The following BPTF variants were observed in gnomAD, a reference collection of about 807,000 sequenced individuals.
BPTF encodes the protein nucleosome-remodeling factor subunit BPTF.
Under a neutral mutation model 292.5 loss-of-function variants are expected in BPTF, and 18 were observed. The observed-to-expected ratio is 0.06, with a 90% CI of 0.04 to 0.09. The LOEUF (loss-of-function observed/expected upper bound fraction) is 0.09. Among genes scored for constraint, BPTF ranks in the 10% least tolerant of loss-of-function variants. The pLI, the probability that BPTF is intolerant of heterozygous loss-of-function variation, is 1.00. For synonymous variants in BPTF, 1,225 were observed against 1,251.9 expected (o/e 0.98, Z 0.45); for missense variants, 2,726 against 3,498.7 (o/e 0.78, Z 5.57).
In BPTF at chr17:67,945,587, T is replaced by C. The variant is rs1169318393; in HGVS notation, c.6879T>C (p.Val2293=). ...TQPQSPAQPE[V]QTQPEVQTQT... ...CCCAGTCCCCAGCTCAGCCTGAAGTTCAGACTCAGCCTGAAGTTCAGACCC... is the reference window on the plus strand; with the variant it reads ...CCCAGTCCCCAGCTCAGCCTGAAGTCCAGACTCAGCCTGAAGTTCAGACCC... Residue 2293 remains valine (V), a synonymous_variant, in exon 21 of 28, where the codon GTT becomes GTC. Coordinates refer to ENST00000306378, the MANE Select transcript of BPTF (RefSeq NM_182641.4). 2 of 1,611,816 alleles carry C rather than the reference T, an allele frequency of 1.2e-6. No homozygotes were observed. Among genetic ancestry groups the C allele is most frequent in the Non-Finnish European group, 1.7e-6 (2 of 1,179,018 alleles).
Position 67,843,104 on chromosome 17 carries a change from A to G in BPTF, c.614-10836A>G, listed in dbSNP as rs533182962. On this transcript the variant is annotated intron_variant, in intron 1 of 27. Transcript: ENST00000306378. ...TATATGTAGATACATATATCTATATATATGTAGATGTATGTAGATATATAC... is the reference window on the plus strand; with the variant it reads ...TATATGTAGATACATATATCTATATGTATGTAGATGTATGTAGATATATAC... Among the ~76,000 whole-genome samples, 3 of 150,950 alleles carry G rather than the reference A, an allele frequency of 2.0e-5. No individual in the cohort carries two copies. In the South Asian group the frequency reaches 6.3e-4, roughly 31 times the overall value.
chr17:67,969,351 C>T (rs1466582697), intron 26 of BPTF, among the ~76,000 whole-genome samples: 3 of 147,342 alleles, frequency 2.0e-5, no homozygotes, highest in African/African-American at 7.7e-5. Context: ...ACTAAGGAGG[C>T]TGAGGCACAA....
In BPTF at chr17:67,891,942, C is replaced by A. The variant is rs866805175; in HGVS notation, c.1963C>A (p.Arg655=). The change falls in exon 5 of 28, where the codon CGG becomes AGG. Residue 655 remains arginine, a synonymous_variant. Coordinates refer to ENST00000306378, the MANE Select transcript of BPTF (RefSeq NM_182641.4). ...CTCAACTCGAATCATCACCAGATTG[C>A]GGAATCCAGATAGCAAACTTAGTCA... ...SGSTRIITRL[R]NPDSKLSQLK... The A allele has an allele frequency of 1.9e-6, 3 of 1,612,288 alleles. No homozygotes were observed. In the African/African-American group the frequency reaches 4.0e-5, roughly 22 times the overall value.
intron 25 of BPTF, chr17:67,965,485 T>G (rs1555686779): frequency 1.3e-5 from 2 of 149,692 alleles, no homozygotes; most frequent in Non-Finnish European, 1.5e-5. Flanking sequence ...ATCACTTGAG[T>G]CAATGAGTTA....
chr17:67,840,094 A>G (rs2057427846), intron 1 of BPTF, among the ~76,000 whole-genome samples: 1 of 142,632 alleles, frequency 7.0e-6, no homozygotes, highest in African/African-American at 2.8e-5. Flanking sequence ...TTTTTTATGG[A>G]AAAATACTGA....
chr17:67,912,328 G>A lies in BPTF; in HGVS notation c.4444G>A (p.Glu1482Lys), dbSNP rs759643114. 7 of 1,613,794 alleles carry A rather than the reference G, an allele frequency of 4.3e-6. No individual in the cohort carries two copies. Among genetic ancestry groups the A allele is most frequent in the Admixed American group, 1.7e-5 (1 of 60,000 alleles). Residue 1482 changes from glutamate to lysine, a missense_variant, in exon 11 of 28, where the codon GAA becomes AAA. Physicochemically the swap from Glu to Lys is moderately conservative, Grantham distance 56. Transcript: ENST00000306378. ...MEDFNERNSS[E>K]TKSHLLSSSD... ...AGATTTTAATGAAAGAAACAGCTCC[G>A]AAACAAAATCGCATTTGCTGAGTTC...
intron 23 of BPTF, chr17:67,956,813 A>T (rs1408107936): frequency 5.9e-5 from 9 of 151,976 alleles, no homozygotes; most frequent in African/African-American, 1.9e-4. Flanking sequence ...AATACAAAAA[A>T]ATTAGCCGAG....
At chr17:67,981,023 G>T (rs1257758677) in intron 27 of BPTF, among the ~76,000 whole-genome samples, 1 of 152,162 alleles carries the variant, frequency 6.6e-6, no homozygotes, top group East Asian at 1.9e-4. Context: ...GCCGGGCATG[G>T]TGGCATGTGC....
At position 67,826,122 on chromosome 17, in the gene BPTF, A is replaced by T; in HGVS notation, c.398A>T (p.Glu133Val). ...GTGTACGATGACCACGAGAGCGAGG[A>T]GGAGGAGGAAGAGGAGGACATGGTC... ...KVVYDDHESE[E>V]EEEEEDMVSE... is the part of the protein sequence containing the mutation. The change falls in exon 1 of 28, where the codon GAG becomes GTG. Residue 133 changes from glutamate (E) to valine (V), a missense_variant. Around this residue, in one of 22 missense-constraint regions of BPTF, gnomAD observed 153 missense variants for 178.3 expected, o/e 0.86. Transcript: ENST00000306378. 1 of 1,416,940 alleles carries T rather than the reference A, an allele frequency of 7.1e-7. No individual in the cohort carries two copies. Among genetic ancestry groups the T allele is most frequent in the Non-Finnish European group, 9.9e-7 (1 of 1,008,940 alleles). The allele number at this position is 1,416,940 out of a possible 1,614,324, so 87.8% of individuals were successfully genotyped here.
At chr17:67,842,003 T>A (rs2057588653) in intron 1 of BPTF, among the ~76,000 whole-genome samples, 1 of 152,168 alleles carries the variant, frequency 6.6e-6, no homozygotes, top group African/African-American at 2.4e-5. Flanking sequence ...CTAAACTATC[T>A]ACTTAGAGTT....
intron 1 of BPTF, among the ~76,000 whole-genome samples, chr17:67,835,269 T>C (rs1449012074): frequency 1.3e-5 from 2 of 152,188 alleles, no homozygotes; most frequent in Admixed American, 6.5e-5. Context: ...CTAGCTGTTA[T>C]ATGTTCATTT....
intron 23 of BPTF, among the ~76,000 whole-genome samples, chr17:67,953,856 A>G (rs2148139041): frequency 6.6e-6 from 1 of 151,904 alleles, no homozygotes; most frequent in South Asian, 2.1e-4. Context: ...CTGGGATTAC[A>G]GCTGTGAGCC....
intron 7 of BPTF, among the ~76,000 whole-genome samples, chr17:67,899,830 A>T (rs1290514568): frequency 6.6e-6 from 1 of 151,996 alleles, no homozygotes; most frequent in South Asian, 2.1e-4. Flanking sequence ...CGCCCGGCCT[A>T]TGCTGAGTTT....
At chr17:67,927,327 A>G (rs1447897140) in intron 15 of BPTF, among the ~76,000 whole-genome samples, 3 of 152,202 alleles carry the variant, frequency 2.0e-5, no homozygotes, top group Admixed American at 2.0e-4. Context: ...TACTTATCAC[A>G]CCACTGTTGA....
chr17:67,879,385 C>G (rs968345951), intron 4 of BPTF, among the ~76,000 whole-genome samples: 28 of 152,120 alleles, frequency 1.8e-4, no homozygotes, highest in Admixed American at 6.5e-4. Flanking sequence ...CATGATCCAC[C>G]CGCCTCAGCC....
chr17:67,938,480 C>CTATT (rs2065102559), intron 18 of BPTF, among the ~76,000 whole-genome samples: 1 of 152,084 alleles, frequency 6.6e-6, no homozygotes, highest in Admixed American at 6.6e-5. Flanking sequence ...GTTGTTAAAG[C>CTATT]TATTATAAAG....
At chr17:67,855,240 G>A (rs1156753616) in intron 2 of BPTF, among the ~76,000 whole-genome samples, 1 of 152,200 alleles carries the variant, frequency 6.6e-6, no homozygotes, top group South Asian at 2.1e-4. Flanking sequence ...GGCAGGGGCT[G>A]CAGTGAGCTG....
In BPTF at chr17:67,836,292, C is replaced by A. The variant is rs185882927; in HGVS notation, c.613+9955C>A. Reference sequence around the variant, plus strand: ...TTCACACGCTTGGGAAACGGCATGGCCATGTGATTCATACCAAATGGCAAT... The same window carrying A: ...TTCACACGCTTGGGAAACGGCATGGACATGTGATTCATACCAAATGGCAAT... On this transcript the variant is annotated intron_variant, in intron 1 of 27. Coordinates refer to ENST00000306378, the MANE Select transcript of BPTF (RefSeq NM_182641.4). Among the ~76,000 whole-genome samples the A allele has an allele frequency of 2.6e-5, 4 of 152,154 alleles. No individual in the cohort carries two copies. The East Asian group carries it at 7.7e-4, about 29-fold the overall frequency.
chr17:67,916,160 A>T (rs2062971638), intron 11 of BPTF, among the ~76,000 whole-genome samples: 1 of 152,196 alleles, frequency 6.6e-6, no homozygotes, highest in African/African-American at 2.4e-5. Context: ...TGCTCTGTCC[A>T]GGTCAGAGGA....
Sources: allele counts gnomAD v4.1 joint callset (sites outside exome capture counted in the v4.1 genomes callset), GRCh38; gene constraint gnomAD v4.1.1; regional missense constraint gnomAD v4.1.1; transcripts MANE v1.5; gene names NCBI Gene and HGNC (gene_info 2026-07-23, HGNC 2026-07-21).